The following PTPRD variants were observed in gnomAD, a reference collection of about 807,000 sequenced individuals.
PTPRD encodes protein tyrosine phosphatase receptor type D.
Under a neutral mutation model 214.5 loss-of-function variants are expected in PTPRD, and 34 were observed. That is an observed-to-expected ratio of 0.16 (90% CI 0.12 to 0.21). The LOEUF is 0.21. PTPRD is among the 10% of genes least tolerant of loss of function. The pLI, the probability that PTPRD is intolerant of heterozygous loss-of-function variation, is 1.00. For synonymous variants in PTPRD, 1,128 were observed against 845.7 expected (o/e 1.33, Z -5.79); for missense variants, 2,545 against 2,398.7 (o/e 1.06, Z -1.27).
intron 11 of PTPRD, among the ~76,000 whole-genome samples, chr9:8,909,437 G>A (rs10977354): frequency 0.34 from 51,771 of 151,884 alleles, 10,423 homozygotes; most frequent in Non-Finnish European, 0.45. Context: ...AACATACAAG[G>A]TTGGTTTAAT....
chr9:9,107,448 G>C (rs1053820544), intron 10 of PTPRD, among the ~76,000 whole-genome samples: 1 of 152,154 alleles, frequency 6.6e-6, no homozygotes, highest in Non-Finnish European at 1.5e-5. Context: ...TGTAGGAAGA[G>C]ACTTATAACC....
rs531871096 is a variant in PTPRD at position 9,753,166 on chromosome 9, C to A, written c.-326+13644G>T. On this transcript the variant is annotated intron_variant, in intron 6 of 45. Coordinates refer to ENST00000381196, the MANE Select transcript of PTPRD (RefSeq NM_002839.4). ...ATTTTCAGTTTTTATAGGACATTTC[C>A]ATGTGGTCTTTCCCCAAGGACATCA... Among the ~76,000 whole-genome samples, 18 of 151,974 alleles carry A rather than the reference C, an allele frequency of 1.2e-4. No homozygotes were observed. In the South Asian group the frequency reaches 3.7e-3, roughly 32 times the overall value.
intron 14 of PTPRD, among the ~76,000 whole-genome samples, chr9:8,563,551 C>T (rs2087410148): frequency 6.6e-6 from 1 of 151,678 alleles, no homozygotes; most frequent in Admixed American, 6.6e-5. Context: ...ATTCTCCTGC[C>T]TCAGCCTCCT....
At chr9:10,373,994 C>T (rs866347998) in intron 2 of PTPRD, among the ~76,000 whole-genome samples, 1 of 151,952 alleles carries the variant, frequency 6.6e-6, no homozygotes, top group Non-Finnish European at 1.5e-5. Flanking sequence ...GATCATCCCC[C>T]GAAATATCTG....
At chr9:8,989,124 A>G (rs1236402661) in intron 11 of PTPRD, among the ~76,000 whole-genome samples, 3 of 152,034 alleles carry the variant, frequency 2.0e-5, no homozygotes, top group Non-Finnish European at 4.4e-5. Context: ...TGGGGGGCAC[A>G]TGTGATATTT....
chr9:10,217,672 T>C (rs1180644617), intron 3 of PTPRD, among the ~76,000 whole-genome samples: 5 of 151,944 alleles, frequency 3.3e-5, no homozygotes, highest in African/African-American at 1.2e-4. Context: ...CTAAAGCTCC[T>C]TGTCAGAGTA....
chr9:8,671,060 T>G (rs1045190242), intron 12 of PTPRD, among the ~76,000 whole-genome samples: 1 of 152,192 alleles, frequency 6.6e-6, no homozygotes, highest in African/African-American at 2.4e-5. Context: ...GAGACATTCT[T>G]GTATATTCCA....
intron 10 of PTPRD, among the ~76,000 whole-genome samples, chr9:9,114,269 G>A (rs1285571025): frequency 6.6e-6 from 1 of 152,114 alleles, no homozygotes; most frequent in Admixed American, 6.6e-5. Flanking sequence ...CAGTTGAAAC[G>A]AGGGCACTTA....
At chr9:8,967,409 T>C (rs1434491747) in intron 11 of PTPRD, among the ~76,000 whole-genome samples, 1 of 152,082 alleles carries the variant, frequency 6.6e-6, no homozygotes, top group East Asian at 1.9e-4. Context: ...GGCAAAAACA[T>C]GGGATCAGCA....
chr9:8,399,411 A>G (rs933443659), intron 36 of PTPRD, among the ~76,000 whole-genome samples: 10 of 152,178 alleles, frequency 6.6e-5, no homozygotes, highest in Admixed American at 5.9e-4. Context: ...GAAATTATCA[A>G]AAGGATCCAG....
intron 8 of PTPRD, among the ~76,000 whole-genome samples, chr9:9,549,650 T>C (rs745587934): frequency 2.0e-5 from 3 of 152,126 alleles, no homozygotes; most frequent in Non-Finnish European, 4.4e-5. Flanking sequence ...CTCATACACA[T>C]GCTTCACTGA....
intron 12 of PTPRD, among the ~76,000 whole-genome samples, chr9:8,690,562 G>T (rs1037844785): frequency 6.6e-6 from 1 of 151,804 alleles, no homozygotes; most frequent in African/African-American, 2.4e-5. Flanking sequence ...TAATCATATG[G>T]TCAGTAATTT....
At chr9:10,373,995 G>T (rs755342479) in intron 2 of PTPRD, among the ~76,000 whole-genome samples, 7 of 151,894 alleles carry the variant, frequency 4.6e-5, no homozygotes, top group Admixed American at 3.9e-4. Flanking sequence ...ATCATCCCCC[G>T]AAATATCTGT....
chr9:9,895,446 T>C lies in PTPRD; in HGVS notation c.-368+43061A>G, dbSNP rs1601311387. ...ATGTTTGATAAATTTTTCTTTTCTT[T>C]TTAAAATTTTTGCTGTTATAATGAT... On this transcript the variant is annotated intron_variant, in intron 5 of 45. Transcript: ENST00000381196. Among the ~76,000 whole-genome samples, 7 of 152,182 alleles carry C rather than the reference T, an allele frequency of 4.6e-5. 1 individual carries two copies. The highest frequency in any genetic ancestry group is 6.6e-5 in the Admixed American group (1 of 15,250).
intron 4 of PTPRD, among the ~76,000 whole-genome samples, chr9:9,969,450 C>T (rs1238309364): frequency 6.6e-6 from 1 of 152,144 alleles, no homozygotes; most frequent in African/African-American, 2.4e-5. Flanking sequence ...GAATTGATTT[C>T]ATATTAAAAA....
intron 8 of PTPRD, among the ~76,000 whole-genome samples, chr9:9,541,424 T>G (rs1051681856): frequency 5.9e-5 from 9 of 151,792 alleles, no homozygotes; most frequent in Non-Finnish European, 5.9e-5. Flanking sequence ...GACGCCATCT[T>G]GGAACTTCCA....
intron 4 of PTPRD, among the ~76,000 whole-genome samples, chr9:10,024,022 T>C (rs2096874164): frequency 6.6e-6 from 1 of 152,158 alleles, no homozygotes; most frequent in Non-Finnish European, 1.5e-5. Flanking sequence ...TCATGAGTAC[T>C]TTCTATATTT....
chr9:9,894,207 G>C (rs895870103), intron 5 of PTPRD, among the ~76,000 whole-genome samples: 1 of 151,982 alleles, frequency 6.6e-6, no homozygotes, highest in African/African-American at 2.4e-5. Flanking sequence ...CAGCCTCCTG[G>C]CTGGTCTCTC....
chr9:8,526,481 C>T (rs968066817), intron 17 of PTPRD, 146 bp downstream of exon 17: 7 of 489,814 alleles, frequency 1.4e-5, no homozygotes, highest in African/African-American at 1.2e-4. Flanking sequence ...ATGAGAGTCA[C>T]TGATCATAAC....
Sources: allele counts gnomAD v4.1 joint callset (sites outside exome capture counted in the v4.1 genomes callset), GRCh38; gene constraint gnomAD v4.1.1; transcripts MANE v1.5; gene names NCBI Gene and HGNC (gene_info 2026-07-23, HGNC 2026-07-21).